The following GPHN variants were observed in gnomAD, a reference collection of about 807,000 sequenced individuals.
GPHN encodes gephyrin.
A neutral mutation model predicts 95.5 loss-of-function variants in GPHN; 17 were observed. The ratio of observed to expected loss-of-function variants is 0.18; its 90% CI spans 0.12 to 0.27. The LOEUF (loss-of-function observed/expected upper bound fraction) is 0.27. GPHN is among the 10% of genes least tolerant of loss of function. The pLI is 1.00. For synonymous variants in GPHN, 320 were observed against 322.5 expected (o/e 0.99, Z 0.08); for missense variants, 660 against 978.1 (o/e 0.67, Z 4.34).
chr14:67,068,337 T>C (rs1245912951), intron 11 of GPHN, among the ~76,000 whole-genome samples: 1 of 152,228 alleles, frequency 6.6e-6, no homozygotes, highest in Non-Finnish European at 1.5e-5. Flanking sequence ...CTATTACTAT[T>C]TTCAGCTCCT....
chr14:67,573,506 G>T, the GPHN span: 5 of 708,880 alleles, frequency 7.1e-6, 1 homozygote, highest in Non-Finnish European at 9.5e-6. This position sits in a 1 kb window ranked among gnomAD's most constrained non-coding sequence, Gnocchi z 4.8. Flanking sequence ...GGTCTGGCAG[G>T]TGGGGAGAGG....
At position 67,017,931 on chromosome 14, in the gene GPHN, G is replaced by T. The variant is rs182073987; in HGVS notation, c.964-5702G>T. On this transcript the variant is annotated intron_variant, in intron 9 of 22. Transcript: ENST00000478722. ...TTAAAAATAAATTTTAGTCTGCTGA[G>T]ATTGAAAAGAAAAATAATTACTACA... 2.4e-3 allele frequency among the ~76,000 whole-genome samples: 365 copies of T among 152,158 alleles called. 4 individuals carry two copies. The highest frequency in any genetic ancestry group is 8.3e-3 in the African/African-American group (344 of 41,534).
At chr14:66,847,277 A>T (rs1468894830) in intron 4 of GPHN, among the ~76,000 whole-genome samples, 1 of 152,168 alleles carries the variant, frequency 6.6e-6, no homozygotes, top group African/African-American at 2.4e-5. Context: ...GAACAATTTT[A>T]AAAGATTTTG....
chr14:67,063,053 G>A (rs1259189866), intron 11 of GPHN, among the ~76,000 whole-genome samples: 1 of 152,074 alleles, frequency 6.6e-6, no homozygotes, highest in African/African-American at 2.4e-5. Context: ...TATGGTTTTA[G>A]GTCTAACATT....
At chr14:67,081,063 A>G (rs564759088) in intron 11 of GPHN, among the ~76,000 whole-genome samples, 4 of 152,312 alleles carry the variant, frequency 2.6e-5, no homozygotes, top group South Asian at 2.1e-4. Context: ...TTGTGCTGCT[A>G]TAAACATGCA....
At chr14:66,559,576 T>C (rs1448956853) in intron 1 of GPHN, among the ~76,000 whole-genome samples, 3 of 151,888 alleles carry the variant, frequency 2.0e-5, no homozygotes, top group Non-Finnish European at 2.9e-5. Flanking sequence ...ACCCAGTTTT[T>C]GATGTGGTTG....
chr14:67,270,691 T>C, the GPHN span: 1 of 152,092 alleles, frequency 6.6e-6, no homozygotes, highest in Non-Finnish European at 1.5e-5. Context: ...GCTAGAGTAT[T>C]TGTGGAGTGC....
At chr14:67,070,707 A>AT (rs1349196003) in intron 11 of GPHN, among the ~76,000 whole-genome samples, 1 of 92,914 alleles carries the variant, frequency 1.1e-5, no homozygotes, top group Non-Finnish European at 1.7e-5. Flanking sequence ...AAAAAAAAAA[A>AT]AAAAAAAAAT....
rs1383077505 is a variant in GPHN, at chr14:67,127,084, T to G, written c.1748+4707T>G. Among the ~76,000 whole-genome samples, 3 of 106,508 alleles carry G rather than the reference T, an allele frequency of 2.8e-5. No individual in the cohort carries two copies. The East Asian group carries it at 9.1e-4, about 32-fold the overall frequency. 69.9% of individuals were successfully genotyped at this position (106,508 alleles called of 152,430 possible). A position where few individuals can be genotyped will look rare whatever the true frequency, so the allele number is the denominator to read the frequency against. ...ACACAGGAAGGGGAATATCACACTC[T>G]GGGGACTGTTGTGGGGTGGGGGGAG... On this transcript the variant is annotated intron_variant, in intron 17 of 22. Transcript: ENST00000478722.
At chr14:67,479,650 G>A in the GPHN span, among the ~76,000 whole-genome samples, 20 of 152,028 alleles carry the variant, frequency 1.3e-4, no homozygotes, top group Admixed American at 7.9e-4. Context: ...CCTGGGAGGC[G>A]GAGGTTGCCG....
the GPHN span, among the ~76,000 whole-genome samples, chr14:67,295,661 C>T: frequency 5.3e-5 from 8 of 152,126 alleles, no homozygotes; most frequent in Admixed American, 3.9e-4. Context: ...TAATGAGATA[C>T]AGTTACACTG....
At chr14:67,588,703 A>G in the GPHN span, 1 of 152,506 alleles carries the variant, frequency 6.6e-6, no homozygotes, top group East Asian at 1.9e-4. Context: ...CAGCCTTACT[A>G]TATGTCAGTA....
At chr14:67,071,304 TA>T (rs1490521664) in intron 11 of GPHN, among the ~76,000 whole-genome samples, 1 of 152,116 alleles carries the variant, frequency 6.6e-6, no homozygotes, top group African/African-American at 2.4e-5. Context: ...TATGCAGCCA[TA>T]AAAAATGATG....
chr14:67,678,186 C>A, the GPHN span: 22 of 619,460 alleles, frequency 3.6e-5, 1 homozygote, highest in Non-Finnish European at 6.4e-5. Flanking sequence ...TTTAACTGGA[C>A]ACCAAGCAGG....
chr14:66,775,208 T>C (rs1566931931), intron 2 of GPHN, among the ~76,000 whole-genome samples: 2 of 152,102 alleles, frequency 1.3e-5, no homozygotes, highest in Non-Finnish European at 2.9e-5. Flanking sequence ...TTATTTTACA[T>C]TTGGGAGAGG....
At chr14:67,559,717 C>T in the GPHN span, 1 of 1,503,390 alleles carries the variant, frequency 6.7e-7, no homozygotes, top group Non-Finnish European at 9.2e-7. Context: ...ATCTTGGAGG[C>T]CTGCCAGAGG....
At chr14:66,521,668 T>G (rs2058490426) in intron 1 of GPHN, among the ~76,000 whole-genome samples, 1 of 152,094 alleles carries the variant, frequency 6.6e-6, no homozygotes, top group Admixed American at 6.5e-5. Context: ...CCCTCAAGCC[T>G]CTTTTATGAG....
At chr14:67,359,574 C>A in the GPHN span, 1 of 1,472,946 alleles carries the variant, frequency 6.8e-7, no homozygotes. Flanking sequence ...GAAACAAGGA[C>A]CCTCACTGTG....
chr14:67,062,209 G>A (rs772786253), intron 11 of GPHN, among the ~76,000 whole-genome samples: 1 of 152,172 alleles, frequency 6.6e-6, no homozygotes, highest in Non-Finnish European at 1.5e-5. Context: ...TCTTTACCAA[G>A]TGTATTTGCG....
Sources: allele counts gnomAD v4.1 joint callset (sites outside exome capture counted in the v4.1 genomes callset), GRCh38; gene constraint gnomAD v4.1.1; non-coding constraint Gnocchi (gnomAD v3.1); transcripts MANE v1.5; gene names NCBI Gene and HGNC (gene_info 2026-07-23, HGNC 2026-07-21).